The following GRID2 variants were observed in gnomAD, a reference collection of about 807,000 sequenced individuals.
GRID2 encodes the protein glutamate ionotropic receptor delta type subunit 2, also known as glutamate receptor ionotropic, delta-2.
GRID2 carries 33 observed loss-of-function variants against 114.8 expected under a neutral mutation model. The ratio of observed to expected loss-of-function variants is 0.29; its 90% CI spans 0.22 to 0.38. GRID2 has a LOEUF of 0.38. Among genes scored for constraint, GRID2 ranks in the 10% least tolerant of loss-of-function variants. GRID2 has a pLI of 1.00. For synonymous variants in GRID2, 505 were observed against 449.9 expected (o/e 1.12, Z -1.55); for missense variants, 1,184 against 1,257.7 (o/e 0.94, Z 0.89).
chr4:93,569,677 A>G (rs1336608347), intron 13 of GRID2, among the ~76,000 whole-genome samples: 1 of 152,172 alleles, frequency 6.6e-6, no homozygotes, highest in Non-Finnish European at 1.5e-5. Context: ...CTCCGTCTTT[A>G]CTGACATCTG....
intron 2 of GRID2, among the ~76,000 whole-genome samples, chr4:92,890,882 G>A (rs959122573): frequency 1.3e-5 from 2 of 152,148 alleles, no homozygotes; most frequent in African/African-American, 4.8e-5. Flanking sequence ...ATCAATGATA[G>A]ACTGGATAAA....
At chr4:93,163,452 C>T (rs554089898) in intron 4 of GRID2, among the ~76,000 whole-genome samples, 60 of 139,024 alleles carry the variant, frequency 4.3e-4, no homozygotes, top group South Asian at 1.3e-3. Flanking sequence ...TAAATAGAGA[C>T]GAGGTCTTGC....
downstream of GRID2, among the ~76,000 whole-genome samples, chr4:93,779,094 A>C (rs1734427590): frequency 6.6e-6 from 1 of 152,034 alleles, no homozygotes; most frequent in Non-Finnish European, 1.5e-5. Flanking sequence ...AAAGTTTTTG[A>C]TGTGTCCAAT....
chr4:93,544,877 C>T (rs1193312647), intron 13 of GRID2, among the ~76,000 whole-genome samples: 1 of 152,020 alleles, frequency 6.6e-6, no homozygotes, highest in Non-Finnish European at 1.5e-5. Flanking sequence ...GGTATTTAAA[C>T]TCGTGGCTAT....
intron 10 of GRID2, among the ~76,000 whole-genome samples, chr4:93,439,892 G>C (rs1721467226): frequency 6.6e-6 from 1 of 151,986 alleles, no homozygotes; most frequent in African/African-American, 2.4e-5. Flanking sequence ...CTCTATGCCA[G>C]CAGAACATGC....
At chr4:92,341,804 T>A (rs6848674) in intron 1 of GRID2, among the ~76,000 whole-genome samples, 27,570 of 151,342 alleles carry the variant, frequency 0.18, 3,611 homozygotes, top group African/African-American at 0.38. Context: ...AGTCCCAGCT[T>A]CTTCGGAGGC....
rs1238493865 is a variant in GRID2 at position 93,480,982 on chromosome 4, A to AATTACTTTAATTATT, written c.1859-9655_1859-9654insTACTTTAATTATTAT. On this transcript the variant is annotated intron_variant, in intron 11 of 15. Coordinates refer to ENST00000282020, the MANE Select transcript of GRID2 (RefSeq NM_001510.4). ...TTTTTGGTTCATTCTTTAATTAGCC[A>AATTACTTTAATTATT]ATCTAATGAATTACTACCACCCCCT... Among the ~76,000 whole-genome samples, 4 of 152,168 alleles carry AATTACTTTAATTATT rather than the reference A, an allele frequency of 2.6e-5. No individual in the cohort carries two copies. The East Asian group carries it at 7.8e-4, about 30-fold the overall frequency.
At chr4:93,785,909 T>C (rs1315825684) in intron 1 of GRID2, among the ~76,000 whole-genome samples, 1 of 152,170 alleles carries the variant, frequency 6.6e-6, no homozygotes, top group Non-Finnish European at 1.5e-5. Context: ...GGCTTGTAAT[T>C]GACATCATGG....
intron 8 of GRID2, among the ~76,000 whole-genome samples, chr4:93,334,887 C>T (rs1370794613): frequency 1.3e-5 from 2 of 151,884 alleles, no homozygotes; most frequent in Admixed American, 6.6e-5. Context: ...GCTGAGATCA[C>T]GCCATTGCAT....
chr4:93,203,123 CT>C (rs1360061251), intron 4 of GRID2, among the ~76,000 whole-genome samples: 1 of 151,980 alleles, frequency 6.6e-6, no homozygotes, highest in African/African-American at 2.4e-5. Context: ...TATCAGTTAC[CT>C]TTTTATTCAG....
intron 8 of GRID2, among the ~76,000 whole-genome samples, chr4:93,269,314 T>C (rs867631599): frequency 1.3e-5 from 2 of 152,218 alleles, no homozygotes; most frequent in East Asian, 1.9e-4. Flanking sequence ...AAAAAGTTTT[T>C]GGTTAATTTT....
intron 2 of GRID2, among the ~76,000 whole-genome samples, chr4:92,632,472 A>C (rs1730855212): frequency 6.6e-6 from 1 of 151,990 alleles, no homozygotes; most frequent in Admixed American, 6.6e-5. Flanking sequence ...TGTCTCTACT[A>C]AAATACAAAA....
At chr4:92,806,205 A>T (rs1301828460) in intron 2 of GRID2, among the ~76,000 whole-genome samples, 1 of 151,228 alleles carries the variant, frequency 6.6e-6, no homozygotes, top group African/African-American at 2.4e-5. Flanking sequence ...ACACACACAC[A>T]CACACACGGA....
intron 2 of GRID2, among the ~76,000 whole-genome samples, chr4:93,063,297 T>A (rs1178309900): frequency 6.6e-6 from 1 of 151,968 alleles, no homozygotes; most frequent in Non-Finnish European, 1.5e-5. Flanking sequence ...TGAAGGATTC[T>A]GTTTCACTTA....
At chr4:93,232,654 G>T (rs1274492819) in intron 7 of GRID2, among the ~76,000 whole-genome samples, 1 of 151,180 alleles carries the variant, frequency 6.6e-6, no homozygotes, top group Non-Finnish European at 1.5e-5. Flanking sequence ...AATATGGAAT[G>T]TGGGAAAATA....
chr4:93,110,768 T>G lies in GRID2; in HGVS notation c.550T>G (p.Phe184Val), dbSNP rs756787128. The G allele has an allele frequency of 6.2e-7, 1 of 1,611,494 alleles. No homozygotes were observed. Among genetic ancestry groups the G allele is most frequent in the African/African-American group, 1.3e-5 (1 of 74,948 alleles). The change falls in exon 4 of 16, where the codon TTC (phenylalanine) becomes GTC (valine). Residue 184 changes from phenylalanine to valine, a missense_variant. Phe to Val is a conservative substitution (Grantham distance 50). Transcript: ENST00000282020. ...TCCAGATATCCGTGGAATACAGGAG[T>G]TCTTGGACAAAGTCTCTCAGCAGGG... is the stretch of plus-strand genomic sequence containing the variant. ...SEYDIRGIQE[F>V]LDKVSQQGMD...
At chr4:92,987,885 C>G (rs1208345775) in intron 2 of GRID2, among the ~76,000 whole-genome samples, 1 of 151,960 alleles carries the variant, frequency 6.6e-6, no homozygotes, top group Non-Finnish European at 1.5e-5. Flanking sequence ...TAGATATCTG[C>G]TAATATCACA....
At chr4:93,769,754 C>T (rs1733965006) in intron 15 of GRID2, among the ~76,000 whole-genome samples, 1 of 152,118 alleles carries the variant, frequency 6.6e-6, no homozygotes, top group African/African-American at 2.4e-5. Context: ...TTTTTAAAGG[C>T]CATGATTCCT....
rs116198252 is a variant in GRID2, at chr4:93,587,451, G to T, written c.2194-38818G>T. Among the ~76,000 whole-genome samples the T allele has an allele frequency of 3.9e-3, 590 of 152,216 alleles. 2 individuals are homozygous for T. Among genetic ancestry groups the T allele is most frequent in the African/African-American group, 0.014 (566 of 41,544 alleles). ...ACCTGTAATTTTTGCTGATAGCAAA[G>T]TGACATGTACTGCTAATACTACTGT... On this transcript the variant is annotated intron_variant, in intron 13 of 15. Coordinates refer to ENST00000282020, the MANE Select transcript of GRID2 (RefSeq NM_001510.4).
Sources: allele counts gnomAD v4.1 joint callset (sites outside exome capture counted in the v4.1 genomes callset), GRCh38; gene constraint gnomAD v4.1.1; transcripts MANE v1.5; gene names NCBI Gene and HGNC (gene_info 2026-07-23, HGNC 2026-07-21).